RNF128: variants seen among roughly 807,000 people sequenced by gnomAD.
RNF128 encodes the protein ring finger protein 128, also known as E3 ubiquitin-protein ligase RNF128.
RNF128 carries 13 observed loss-of-function variants against 26.2 expected under a neutral mutation model. The observed-to-expected ratio is 0.50, with a 90% CI of 0.32 to 0.79. The LOEUF is 0.79. RNF128 is among the 30% of genes least tolerant of loss of function. RNF128 has a pLI of 0.03. For synonymous variants in RNF128, 149 were observed against 142.5 expected, an observed-to-expected ratio of 1.05 and a Z score of -0.32; for missense variants, 315 against 349.7, an observed-to-expected ratio of 0.90 and a Z score of 0.79.
chrX:106,712,528 A>G (rs1219776689), intron 1 of RNF128, among the ~76,000 whole-genome samples: 1 of 111,847 alleles, frequency 8.9e-6, no homozygotes, highest in Non-Finnish European at 1.9e-5. Context: ...TAAATATCTG[A>G]CAAACTACAA....
chrX:106,727,138 G>A lies in RNF128; in HGVS notation c.225G>A (p.Ser75=). Reference sequence around the variant, plus strand: ...AGGAGGGCGTGTACGGCCAGGACTCGCCGCTGGAGCCTGTGGCTGGGGTCC... The same window carrying A: ...AGGAGGGCGTGTACGGCCAGGACTCACCGCTGGAGCCTGTGGCTGGGGTCC... ...LSEEGVYGQD[S]PLEPVAGVLV... The change falls in exon 1 of 7, where the codon TCG becomes TCA. Residue 75 remains serine (S), a synonymous_variant. Transcript: ENST00000255499. 8.3e-7 allele frequency: 1 copy of A among 1,208,100 alleles called. No homozygotes were observed. Among genetic ancestry groups the A allele is most frequent in the Non-Finnish European group, 1.1e-6 (1 of 894,131 alleles).
intron 1 of RNF128, among the ~76,000 whole-genome samples, chrX:106,737,056 C>T (rs1041844154): frequency 3.6e-5 from 4 of 111,177 alleles, no homozygotes; most frequent in African/African-American, 1.3e-4. Flanking sequence ...AAAGTTCTGT[C>T]TCACCTTTTC....
intron 2 of RNF128, among the ~76,000 whole-genome samples, chrX:106,776,870 C>T (rs1259084802): frequency 9.0e-6 from 1 of 111,575 alleles, no homozygotes; most frequent in Non-Finnish European, 1.9e-5. Flanking sequence ...ACAAAGTTAA[C>T]AGGAACCTAT....
intron 2 of RNF128, among the ~76,000 whole-genome samples, chrX:106,783,659 C>T (rs372607451): frequency 5.4e-5 from 6 of 111,063 alleles, no homozygotes; most frequent in African/African-American, 9.8e-5. Flanking sequence ...ATGTATTAGT[C>T]GGGTTTGTGT....
intron 1 of RNF128, among the ~76,000 whole-genome samples, chrX:106,737,003 C>T (rs1360790863): frequency 9.0e-6 from 1 of 111,293 alleles, no homozygotes; most frequent in Admixed American, 9.6e-5. Context: ...CCCAACCATG[C>T]TGGTTTAGGG....
At chrX:106,704,305 C>T (rs1052091762) in intron 1 of RNF128, among the ~76,000 whole-genome samples, 2 of 109,465 alleles carry the variant, frequency 1.8e-5, no homozygotes, top group African/African-American at 6.7e-5. Flanking sequence ...TGGTGGCTGG[C>T]GCCTGTAGTC....
intron 1 of RNF128, among the ~76,000 whole-genome samples, chrX:106,771,417 C>T (rs1930367759): frequency 8.9e-6 from 1 of 112,663 alleles, no homozygotes; most frequent in African/African-American, 3.2e-5. Flanking sequence ...TTGAGCTTGC[C>T]CGCCACTTTG....
chrX:106,708,641 C>G (rs1462025553), intron 1 of RNF128, among the ~76,000 whole-genome samples: 2 of 112,030 alleles, frequency 1.8e-5, no homozygotes, highest in Admixed American at 1.9e-4. Context: ...TTTCTGCAAA[C>G]AATCTTTGCC....
At chrX:106,762,562 C>T (rs1389091710) in intron 1 of RNF128, among the ~76,000 whole-genome samples, 1 of 111,094 alleles carries the variant, frequency 9.0e-6, no homozygotes, top group East Asian at 2.8e-4. Context: ...ATCCGCCCCC[C>T]ATCGGCCTCC....
At chrX:106,785,651 G>A (rs190232656) in intron 3 of RNF128, among the ~76,000 whole-genome samples, 3 of 111,743 alleles carry the variant, frequency 2.7e-5, no homozygotes, top group East Asian at 2.8e-4. Flanking sequence ...TATAGACTTC[G>A]GATTTCCAGA....
chrX:106,694,335 A>T (rs761762390), exon 1 of RNF128: 21 of 1,209,978 alleles, frequency 1.7e-5, no homozygotes, highest in Non-Finnish European at 2.1e-5. Flanking sequence ...CAGCGGGCAG[A>T]AGAAATGCTG....
chrX:106,727,048 G>A lies in RNF128; in HGVS notation c.135G>A (p.Ala45=). Residue 45 remains alanine (A), a synonymous_variant, in exon 1 of 7, where the codon GCG becomes GCA. Transcript: ENST00000255499. ...GSRGAEAVWT[A]YLNVSWRVPH... Reference sequence around the variant, plus strand: ...GGGGGGCTGAAGCAGTGTGGACCGCGTACCTCAACGTGTCCTGGCGGGTTC... The same window carrying A: ...GGGGGGCTGAAGCAGTGTGGACCGCATACCTCAACGTGTCCTGGCGGGTTC... The A allele has an allele frequency of 1.7e-6, 2 of 1,204,780 alleles. No homozygotes were observed. The highest frequency in any genetic ancestry group is 1.1e-6 in the Non-Finnish European group (1 of 892,344).
chrX:106,704,108 T>C (rs1440402811), intron 1 of RNF128, among the ~76,000 whole-genome samples: 1 of 110,197 alleles, frequency 9.1e-6, no homozygotes, highest in African/African-American at 3.3e-5. Flanking sequence ...CCAAATGCTG[T>C]TGAGTCTCCA....
upstream of RNF128, among the ~76,000 whole-genome samples, chrX:106,721,778 C>A (rs1929317095): frequency 8.9e-6 from 1 of 112,101 alleles, no homozygotes; most frequent in African/African-American, 3.2e-5. Flanking sequence ...GCTATTAATA[C>A]TTAAGAGTCA....
intron 1 of RNF128, among the ~76,000 whole-genome samples, chrX:106,717,715 A>T (rs1222405788): frequency 8.9e-6 from 1 of 112,218 alleles, no homozygotes. Flanking sequence ...TTACAATTTT[A>T]TGTTAGAAAT....
chrX:106,783,349 A>T (rs1235058425), intron 2 of RNF128, among the ~76,000 whole-genome samples: 1 of 111,866 alleles, frequency 8.9e-6, no homozygotes, highest in Non-Finnish European at 1.9e-5. Context: ...GCAAATATAT[A>T]TTGGCAAGTA....
intron 1 of RNF128, among the ~76,000 whole-genome samples, chrX:106,754,760 T>C (rs1929970717): frequency 9.1e-6 from 1 of 110,332 alleles, no homozygotes; most frequent in Non-Finnish European, 1.9e-5. Context: ...AAACAAAATG[T>C]AACAAAACCT....
chrX:106,715,702 G>A (rs922298379), intron 1 of RNF128, among the ~76,000 whole-genome samples: 1 of 111,818 alleles, frequency 8.9e-6, no homozygotes, highest in Non-Finnish European at 1.9e-5. Flanking sequence ...GCATTTTCTA[G>A]CAAGTATCTG....
chrX:106,698,169 A>C (rs1928901561), intron 1 of RNF128, among the ~76,000 whole-genome samples: 1 of 106,329 alleles, frequency 9.4e-6, no homozygotes, highest in Non-Finnish European at 1.9e-5. Context: ...TAACATGTTA[A>C]GTACTTGCTT....
Sources: gnomAD v4.1 joint callset for allele counts (sites outside exome capture counted in the v4.1 genomes callset) on GRCh38, gnomAD v4.1.1 for gene constraint, MANE v1.5 for transcripts, NCBI Gene and HGNC (gene_info 2026-07-23, HGNC 2026-07-21) for gene names.